Variants in CSMD1 observed in about 807,000 individuals in gnomAD.
CSMD1 encodes the protein CUB and Sushi multiple domains 1.
In CSMD1, 213 loss-of-function variants were observed where a neutral mutation model predicts 417.5. That is an observed-to-expected ratio of 0.51 (90% CI 0.46 to 0.57). CSMD1 has a LOEUF of 0.57. CSMD1 is among the 20% of genes least tolerant of loss of function. The probability of loss-of-function intolerance (pLI) is 0.00; values close to 1 mark genes in which losing one functional copy is unlikely to be tolerated. For missense variants in CSMD1, 6,923 were observed against 4,529.7 expected, an observed-to-expected ratio of 1.53 and a Z score of -15.17; for synonymous variants, 2,862 against 1,736.8, an observed-to-expected ratio of 1.65 and a Z score of -16.11.
intron 4 of CSMD1, among the ~76,000 whole-genome samples, chr8:4,011,990 G>T (rs1816575726): frequency 6.6e-6 from 1 of 151,532 alleles, no homozygotes; most frequent in South Asian, 2.1e-4. Context: ...CACAGAAATG[G>T]CTGTTATACT....
intron 4 of CSMD1, among the ~76,000 whole-genome samples, chr8:4,027,285 G>C (rs931074949): frequency 6.6e-6 from 1 of 152,164 alleles, no homozygotes; most frequent in Admixed American, 6.5e-5. Flanking sequence ...TGGATGTTAG[G>C]AGAGAGTGAG....
chr8:3,071,089 C>G (rs1172221384), intron 49 of CSMD1, among the ~76,000 whole-genome samples: 1 of 151,956 alleles, frequency 6.6e-6, no homozygotes, highest in African/African-American at 2.4e-5. Flanking sequence ...TGCCACACAC[C>G]CAGGTCTCAA....
intron 5 of CSMD1, among the ~76,000 whole-genome samples, chr8:3,792,084 A>G (rs1799779908): frequency 6.6e-6 from 1 of 152,144 alleles, no homozygotes; most frequent in South Asian, 2.1e-4. Flanking sequence ...TCCTCCTTCA[A>G]GAATGACTTC....
chr8:4,280,734 T>G (rs1197855388), intron 3 of CSMD1, among the ~76,000 whole-genome samples: 1 of 152,348 alleles, frequency 6.6e-6, no homozygotes, highest in East Asian at 1.9e-4. Context: ...AATATAATTG[T>G]ACTTTCCTAG....
rs572894415 is a variant in CSMD1, at chr8:3,916,794, T to C, written c.818+81109A>G. ...ATAATTGAGTGGCTCAATTTCAAAA[T>C]AAGGCTGTGAAGATGGATTATGGGG... On this transcript the variant is annotated intron_variant, in intron 5 of 69. Transcript: ENST00000635120. 4.7e-4 allele frequency among the ~76,000 whole-genome samples: 71 copies of C among 152,180 alleles called. 1 individual carries two copies. Among genetic ancestry groups the C allele is most frequent in the Non-Finnish European group, 4.9e-4 (33 of 67,996 alleles).
At chr8:4,703,023 G>A (rs181964471) in intron 1 of CSMD1, among the ~76,000 whole-genome samples, 6 of 152,122 alleles carry the variant, frequency 3.9e-5, no homozygotes, top group East Asian at 3.9e-4. Flanking sequence ...AGAATCTGGC[G>A]ATATTTTTAT....
At chr8:4,174,216 G>A (rs1386072106) in intron 3 of CSMD1, among the ~76,000 whole-genome samples, 1 of 152,152 alleles carries the variant, frequency 6.6e-6, no homozygotes, top group Non-Finnish European at 1.5e-5. Context: ...GCAGCTATGT[G>A]AGGACACCGT....
intron 3 of CSMD1, among the ~76,000 whole-genome samples, chr8:4,099,209 C>G (rs1222286695): frequency 1.0e-5 from 1 of 95,590 alleles, no homozygotes; most frequent in Non-Finnish European, 2.2e-5. Context: ...CACACACGCA[C>G]ACACACACAC....
intron 2 of CSMD1, among the ~76,000 whole-genome samples, chr8:4,547,129 T>C (rs1797673490): frequency 1.3e-5 from 2 of 152,148 alleles, no homozygotes; most frequent in Non-Finnish European, 2.9e-5. Context: ...CAGACCTGTT[T>C]CTAAATTATT....
At chr8:3,441,460 A>G (rs1345207540) in intron 12 of CSMD1, among the ~76,000 whole-genome samples, 1 of 150,826 alleles carries the variant, frequency 6.6e-6, no homozygotes, top group Non-Finnish European at 1.5e-5. Flanking sequence ...TCCTACAAGG[A>G]AAACACTTCA....
intron 10 of CSMD1, among the ~76,000 whole-genome samples, chr8:3,550,113 G>C (rs567076762): frequency 1.3e-5 from 2 of 152,202 alleles, no homozygotes; most frequent in South Asian, 2.1e-4. Context: ...CGATAAAAAA[G>C]TGTCCCATTG....
At chr8:4,495,315 C>T (rs955063355) in intron 2 of CSMD1, among the ~76,000 whole-genome samples, 17 of 152,172 alleles carry the variant, frequency 1.1e-4, no homozygotes, top group Non-Finnish European at 2.2e-4. Context: ...GTGGCTCACG[C>T]CTGTAATCCC....
chr8:3,831,333 C>A (rs1009781696), intron 5 of CSMD1, among the ~76,000 whole-genome samples: 1 of 152,162 alleles, frequency 6.6e-6, no homozygotes, highest in Non-Finnish European at 1.5e-5. Flanking sequence ...CTCCATCTGT[C>A]TCCTTCTGGA....
chr8:3,408,489 T>A (rs565268064), intron 13 of CSMD1, among the ~76,000 whole-genome samples: 1 of 150,892 alleles, frequency 6.6e-6, no homozygotes, highest in East Asian at 1.9e-4. Context: ...CCTTTCCAGT[T>A]GACTGAAAAC....
At chr8:4,127,498 C>A (rs1465718721) in intron 3 of CSMD1, among the ~76,000 whole-genome samples, 4 of 145,220 alleles carry the variant, frequency 2.8e-5, no homozygotes, top group East Asian at 2.1e-4. Context: ...TAAAAACTAA[C>A]TTCAACTGCA....
At chr8:3,584,375 A>G (rs1364342352) in intron 9 of CSMD1, among the ~76,000 whole-genome samples, 1 of 152,172 alleles carries the variant, frequency 6.6e-6, no homozygotes, top group Non-Finnish European at 1.5e-5. Flanking sequence ...CTTCCAAAAT[A>G]TGATCAAGTG....
intron 1 of CSMD1, among the ~76,000 whole-genome samples, chr8:4,890,430 C>T (rs1395930795): frequency 2.0e-5 from 3 of 151,792 alleles, no homozygotes; most frequent in Admixed American, 2.0e-4. Context: ...GACTCCGACA[C>T]CCTCCCGCAG....
At chr8:3,619,302 G>T (rs1802301636) in intron 7 of CSMD1, among the ~76,000 whole-genome samples, 1 of 152,118 alleles carries the variant, frequency 6.6e-6, no homozygotes, top group African/African-American at 2.4e-5. Flanking sequence ...TCAACGTTCA[G>T]AGGCCCACTA....
intron 2 of CSMD1, among the ~76,000 whole-genome samples, chr8:4,577,149 T>G (rs986784896): frequency 1.3e-4 from 19 of 151,862 alleles, no homozygotes; most frequent in Admixed American, 9.8e-4. Flanking sequence ...TTTCCTTGGG[T>G]TTTTTTTGCA....
Sources: gnomAD v4.1 joint callset for allele counts (sites outside exome capture counted in the v4.1 genomes callset) on GRCh38, gnomAD v4.1.1 for gene constraint, MANE v1.5 for transcripts, NCBI Gene and HGNC (gene_info 2026-07-23, HGNC 2026-07-21) for gene names.